The following KLHL14 variants were observed in gnomAD, a reference collection of about 807,000 sequenced individuals.
The protein encoded by KLHL14 is kelch-like protein 14.
A neutral mutation model predicts 64.3 loss-of-function variants in KLHL14; 22 were observed. The observed-to-expected ratio is 0.34, with a 90% CI of 0.24 to 0.49. The LOEUF is 0.49. Ranked by LOEUF, KLHL14 falls within the 20% of genes least tolerant of loss-of-function variation. KLHL14 has a pLI of 0.99. For synonymous variants in KLHL14, 322 were observed against 333.4 expected, an observed-to-expected ratio of 0.97 and a Z score of 0.37; for missense variants, 661 against 789.0, an observed-to-expected ratio of 0.84 and a Z score of 1.94.
At chr18:32,700,936 A>G (rs1246074369) in intron 3 of KLHL14, among the ~76,000 whole-genome samples, 1 of 152,176 alleles carries the variant, frequency 6.6e-6, no homozygotes, top group Non-Finnish European at 1.5e-5. Flanking sequence ...TAGCAAGTGC[A>G]AAGACCTTGA....
intron 3 of KLHL14, among the ~76,000 whole-genome samples, chr18:32,712,989 A>G (rs111586166): frequency 0.024 from 3,615 of 151,938 alleles, 131 homozygotes; most frequent in African/African-American, 0.078. Context: ...CATCTCCTCA[A>G]TCTGTAAGCC....
At chr18:32,719,223 T>G (rs546696843) in intron 3 of KLHL14, among the ~76,000 whole-genome samples, 7 of 152,344 alleles carry the variant, frequency 4.6e-5, no homozygotes, top group African/African-American at 1.7e-4. Context: ...ACTGGGATTA[T>G]AGGCGTAAGC....
At chr18:32,702,429 A>G (rs2049970748) in intron 3 of KLHL14, among the ~76,000 whole-genome samples, 1 of 151,682 alleles carries the variant, frequency 6.6e-6, no homozygotes, top group Non-Finnish European at 1.5e-5. Context: ...AGTTAGTTTA[A>G]TCCTACCATT....
chr18:32,739,917 G>C (rs999602012), intron 3 of KLHL14, among the ~76,000 whole-genome samples: 1 of 152,118 alleles, frequency 6.6e-6, no homozygotes, highest in African/African-American at 2.4e-5. Context: ...AATGTTGATA[G>C]TGATGTTACA....
intron 2 of KLHL14, among the ~76,000 whole-genome samples, chr18:32,766,237 A>T (rs1490070369): frequency 6.6e-6 from 1 of 152,072 alleles, no homozygotes; most frequent in African/African-American, 2.4e-5. Context: ...ATCCAATTTG[A>T]TTTATTTGGG....
At chr18:32,756,539 C>T (rs1469291323) in intron 2 of KLHL14, among the ~76,000 whole-genome samples, 6 of 152,140 alleles carry the variant, frequency 3.9e-5, no homozygotes, top group African/African-American at 1.4e-4. Flanking sequence ...TTTGATTAAA[C>T]TGATGGAAGG....
chr18:32,768,051 G>T (rs1360932764), intron 2 of KLHL14, among the ~76,000 whole-genome samples: 1 of 152,142 alleles, frequency 6.6e-6, no homozygotes, highest in Non-Finnish European at 1.5e-5. Context: ...ATCACACTGA[G>T]TTTGCCATTT....
chr18:32,754,406 T>C (rs2050271529), intron 2 of KLHL14, among the ~76,000 whole-genome samples: 1 of 152,182 alleles, frequency 6.6e-6, no homozygotes, highest in Admixed American at 6.5e-5. Context: ...GAAGAAAAAG[T>C]GCAGAAAGAC....
chr18:32,731,487 G>A (rs879283437), intron 3 of KLHL14, among the ~76,000 whole-genome samples: 1 of 152,156 alleles, frequency 6.6e-6, no homozygotes, highest in Non-Finnish European at 1.5e-5. Flanking sequence ...GTCTACTTGA[G>A]GGGGAGGGTG....
intron 2 of KLHL14, among the ~76,000 whole-genome samples, chr18:32,760,337 CAT>C (rs1363807977): frequency 3.5e-5 from 2 of 56,458 alleles, no homozygotes; most frequent in African/African-American, 5.7e-5. Context: ...TACACACAGA[CAT>C]ACACACACAC....
chr18:32,710,306 T>C (rs2050012677), intron 3 of KLHL14, among the ~76,000 whole-genome samples: 2 of 152,200 alleles, frequency 1.3e-5, no homozygotes, highest in Non-Finnish European at 2.9e-5. Context: ...TGTTGAAGTA[T>C]GGATTTACTA....
rs2049832973 is a variant in KLHL14, at chr18:32,680,492, T to C, written c.1346A>G (p.Asn449Ser). 6.2e-7 allele frequency: 1 copy of C among 1,613,976 alleles called. No homozygotes were observed. Among genetic ancestry groups the C allele is most frequent in the Non-Finnish European group, 8.5e-7 (1 of 1,179,894 alleles). The change falls in exon 6 of 9, where the codon AAT becomes AGT. Residue 449 changes from asparagine to serine, a missense_variant. Physicochemically the swap from Asn to Ser is conservative, Grantham distance 46. Around this residue, in one of 2 missense-constraint regions of KLHL14, gnomAD observed 330 missense variants for 450.0 expected, o/e 0.73. Coordinates refer to ENST00000359358, the MANE Select transcript of KLHL14 (RefSeq NM_020805.3). This position sits in a 1 kb window ranked among gnomAD's most constrained non-coding sequence, Gnocchi z 4.8. ...SSVECYNLET[N>S]EWRYVSSLPQ... ...CAAAGAGGACACATAGCGCCATTCATTCGTTTCTAGGTTATAGCACTCCAC... is the reference window on the plus strand; with the variant it reads ...CAAAGAGGACACATAGCGCCATTCACTCGTTTCTAGGTTATAGCACTCCAC...
intron 8 of KLHL14, among the ~76,000 whole-genome samples, chr18:32,676,666 G>A (rs1038062681): frequency 1.3e-5 from 2 of 152,094 alleles, no homozygotes; most frequent in East Asian, 1.9e-4. Context: ...AAATGTTGAT[G>A]GATGTTGAAG....
At chr18:32,772,311 T>C in intron 1 of KLHL14, 1 of 313,858 alleles carries the variant, frequency 3.2e-6, no homozygotes, top group Non-Finnish European at 6.9e-6. Context: ...TCCCTCGCGC[T>C]CCCTCCGCCG....
At chr18:32,753,648 T>A (rs2050267835) in intron 2 of KLHL14, among the ~76,000 whole-genome samples, 1 of 151,388 alleles carries the variant, frequency 6.6e-6, no homozygotes. Flanking sequence ...GCTTAGCTCA[T>A]AAGCCCCAAG....
chr18:32,682,351 A>G (rs1401780916), intron 5 of KLHL14, among the ~76,000 whole-genome samples: 1 of 152,210 alleles, frequency 6.6e-6, no homozygotes, highest in African/African-American at 2.4e-5. Flanking sequence ...AAAGATAATG[A>G]AGAACAACAA....
chr18:32,697,689 G>T (rs2049943658), intron 3 of KLHL14, among the ~76,000 whole-genome samples: 2 of 152,142 alleles, frequency 1.3e-5, no homozygotes, highest in South Asian at 4.1e-4. Context: ...CAGGCAAGCA[G>T]AAATTAAGTG....
intron 5 of KLHL14, among the ~76,000 whole-genome samples, chr18:32,682,912 AT>A (rs1184239787): frequency 1.3e-5 from 2 of 152,126 alleles, no homozygotes; most frequent in Non-Finnish European, 2.9e-5. Context: ...GCATTTTCTT[AT>A]TTCACTAATG....
chr18:32,689,054 A>G (rs9965685), intron 4 of KLHL14, among the ~76,000 whole-genome samples: 53,063 of 152,074 alleles, frequency 0.35, 11,164 homozygotes, highest in African/African-American at 0.6. Context: ...TGAATGGAAG[A>G]TTATGCAATT....
Sources: allele counts gnomAD v4.1 joint callset (sites outside exome capture counted in the v4.1 genomes callset), GRCh38; gene constraint gnomAD v4.1.1; regional missense constraint gnomAD v4.1.1; non-coding constraint Gnocchi (gnomAD v3.1); transcripts MANE v1.5; gene names NCBI Gene and HGNC (gene_info 2026-07-23, HGNC 2026-07-21).